GPHN: variants seen among roughly 807,000 people sequenced by gnomAD.
The protein encoded by GPHN is gephyrin.
In GPHN, 17 loss-of-function variants were observed where a neutral mutation model predicts 95.5. The observed-to-expected ratio is 0.18, with a 90% CI of 0.12 to 0.27. GPHN has a LOEUF of 0.27. Ranked by LOEUF, GPHN falls within the 10% of genes least tolerant of loss-of-function variation. The pLI, the probability that GPHN is intolerant of heterozygous loss-of-function variation, is 1.00. For missense variants in GPHN, 660 were observed against 978.1 expected (o/e 0.67, Z 4.34); for synonymous variants, 320 against 322.5 (o/e 0.99, Z 0.08).
At chr14:67,551,932 G>C in the GPHN span, among the ~76,000 whole-genome samples, 1 of 152,170 alleles carries the variant, frequency 6.6e-6, no homozygotes, top group Non-Finnish European at 1.5e-5. Flanking sequence ...ACCCGGGATG[G>C]TGTGGCTCTT....
At chr14:67,231,037 C>G in the GPHN span, among the ~76,000 whole-genome samples, 2 of 152,102 alleles carry the variant, frequency 1.3e-5, no homozygotes, top group African/African-American at 4.8e-5. Context: ...TTGAAAAACA[C>G]AGTGTATACA....
the GPHN span, chr14:67,393,356 T>C: frequency 1.3e-6 from 1 of 768,184 alleles, no homozygotes; most frequent in Non-Finnish European, 2.4e-6. Context: ...GTGACACACA[T>C]CACAAAGAAA....
At chr14:67,642,481 A>G in the GPHN span, 1 of 1,201,120 alleles carries the variant, frequency 8.3e-7, no homozygotes, top group African/African-American at 1.5e-5. Flanking sequence ...TTTTTAGGGT[A>G]GATATTAAAA....
chr14:67,573,976 G>A, the GPHN span: 1 of 929,018 alleles, frequency 1.1e-6, no homozygotes, highest in Non-Finnish European at 1.8e-6. The surrounding 1 kb of genome is among the most constrained non-coding windows in gnomAD (Gnocchi z 4.8). Context: ...GGGGCCAAAT[G>A]AGCATGAATG....
the GPHN span, among the ~76,000 whole-genome samples, chr14:67,452,105 G>T: frequency 6.6e-6 from 1 of 152,190 alleles, no homozygotes; most frequent in Non-Finnish European, 1.5e-5. Flanking sequence ...GCTGAGGTGG[G>T]TGGATCACCT....
the GPHN span, among the ~76,000 whole-genome samples, chr14:67,608,531 TA>T: frequency 6.6e-6 from 1 of 152,160 alleles, no homozygotes; most frequent in African/African-American, 2.4e-5. Flanking sequence ...TATACCACCT[TA>T]AACAAAAGGA....
At chr14:67,508,135 CA>C in the GPHN span, among the ~76,000 whole-genome samples, 61 of 130,576 alleles carry the variant, frequency 4.7e-4, no homozygotes, top group African/African-American at 7.8e-4. Flanking sequence ...AACTCCATCT[CA>C]AAAAAAAAAA....
chr14:67,360,396 G>T, the GPHN span: 1 of 395,456 alleles, frequency 2.5e-6, no homozygotes, highest in East Asian at 3.6e-5. Context: ...AGCAAGTCTG[G>T]TCTCTGTGAT....
chr14:66,801,193 C>A (rs1380970241), intron 3 of GPHN, among the ~76,000 whole-genome samples: 1 of 152,038 alleles, frequency 6.6e-6, no homozygotes, highest in East Asian at 1.9e-4. Context: ...CAGGTTTGGA[C>A]CCTGGTGCCT....
the GPHN span, among the ~76,000 whole-genome samples, chr14:67,508,573 T>C: frequency 3.3e-5 from 5 of 151,478 alleles, no homozygotes; most frequent in African/African-American, 1.2e-4. Flanking sequence ...TCATTCCTCT[T>C]CCATGAATAC....
chr14:67,662,031 C>G, the GPHN span, among the ~76,000 whole-genome samples: 1 of 152,182 alleles, frequency 6.6e-6, no homozygotes, highest in East Asian at 1.9e-4. Flanking sequence ...TGGCGCCCAC[C>G]TGTATTCCCA....
At chr14:67,546,503 G>A in the GPHN span, among the ~76,000 whole-genome samples, 1 of 152,160 alleles carries the variant, frequency 6.6e-6, no homozygotes, top group Non-Finnish European at 1.5e-5. Context: ...CGATTCTCCT[G>A]CCTTAGCCTC....
the GPHN span, among the ~76,000 whole-genome samples, chr14:67,461,614 T>C: frequency 2.6e-5 from 4 of 151,756 alleles, no homozygotes; most frequent in Non-Finnish European, 4.4e-5. Context: ...TAAGCCAGGA[T>C]TGGGTGTCAC....
At chr14:67,298,082 A>G in the GPHN span, among the ~76,000 whole-genome samples, 2 of 152,176 alleles carry the variant, frequency 1.3e-5, no homozygotes, top group African/African-American at 4.8e-5. Context: ...GCCAGGAGAT[A>G]GGGCTGGAAA....
chr14:66,508,908 A>G (rs2057908326), intron 1 of GPHN, among the ~76,000 whole-genome samples: 1 of 152,136 alleles, frequency 6.6e-6, no homozygotes, highest in African/African-American at 2.4e-5. Context: ...CTGTCGGTGC[A>G]GGCGGCGGGA....
the GPHN span, among the ~76,000 whole-genome samples, chr14:67,255,339 G>A: frequency 1.3e-5 from 2 of 152,168 alleles, no homozygotes; most frequent in East Asian, 1.9e-4. Context: ...AGTTATTTAC[G>A]TGATGAAAGA....
chr14:67,577,887 G>T, the GPHN span: 1 of 705,476 alleles, frequency 1.4e-6, no homozygotes, highest in Non-Finnish European at 2.4e-6. Context: ...CCCTCCAACA[G>T]TAGCAGTGCT....
intron 9 of GPHN, among the ~76,000 whole-genome samples, chr14:66,972,577 T>A (rs1036671209): frequency 7.2e-5 from 11 of 151,924 alleles, no homozygotes; most frequent in Non-Finnish European, 1.6e-4. Flanking sequence ...CCCCATTTTG[T>A]CACATTCAAG....
chr14:66,676,281 C>G (rs139081620), intron 1 of GPHN, among the ~76,000 whole-genome samples: 1 of 152,186 alleles, frequency 6.6e-6, no homozygotes, highest in Non-Finnish European at 1.5e-5. Context: ...TTTCTCCTTT[C>G]TAATTTAGAT....
Sources: gnomAD v4.1 joint callset for allele counts (sites outside exome capture counted in the v4.1 genomes callset) on GRCh38, gnomAD v4.1.1 for gene constraint, Gnocchi (gnomAD v3.1) non-coding constraint, MANE v1.5 for transcripts, NCBI Gene and HGNC (gene_info 2026-07-23, HGNC 2026-07-21) for gene names.